The following FSIP2 variants were observed in gnomAD, a reference collection of about 807,000 sequenced individuals.
The protein encoded by FSIP2 is fibrous sheath-interacting protein 2.
FSIP2 carries 367 observed loss-of-function variants against 510.5 expected under a neutral mutation model. That is an observed-to-expected ratio of 0.72 (90% CI 0.66 to 0.78). FSIP2 has a LOEUF of 0.78. Ranked by LOEUF, FSIP2 falls within the 30% of genes least tolerant of loss-of-function variation. The pLI, the probability that FSIP2 is intolerant of heterozygous loss-of-function variation, is 0.00. For missense variants in FSIP2, 7,594 were observed against 7,901.7 expected (o/e 0.96, Z 1.48); for synonymous variants, 2,601 against 2,732.2 (o/e 0.95, Z 1.50).
rs1363685608 is a variant in FSIP2, at chr2:185,805,293, A to G, written c.15987A>G (p.Lys5329=). 6.3e-7 allele frequency: 1 copy of G among 1,594,900 alleles called. No individual in the cohort carries two copies. Among genetic ancestry groups the G allele is most frequent in the Non-Finnish European group, 8.5e-7 (1 of 1,173,732 alleles). The part of the protein sequence containing the change: ...LIREFKKSDI[K]VLPNAEKMFS... ...GGGAATTTAAGAAAAGTGATATTAA[A>G]GTTTTACCAAATGCTGAAAAAATGT... The change falls in exon 17 of 23, where the codon AAA becomes AAG. Residue 5329 remains lysine (K), a synonymous_variant. Transcript: ENST00000424728.
chr2:185,807,033 C>G lies in FSIP2; in HGVS notation c.17727C>G (p.Asp5909Glu). 1 of 1,595,076 alleles carries G rather than the reference C, an allele frequency of 6.3e-7. No homozygotes were observed. The highest frequency in any genetic ancestry group is 1.1e-5 in the South Asian group (1 of 87,204). ...KPSSDKIPSIDKTLVNKVVHS... is the reference protein window; with the variant it reads ...KPSSDKIPSIEKTLVNKVVHS... Reference sequence around the variant, plus strand: ...CTTCAGATAAGATACCATCAATTGACAAAACATTGGTCAATAAAGTTGTTC... The same window carrying G: ...CTTCAGATAAGATACCATCAATTGAGAAAACATTGGTCAATAAAGTTGTTC... Residue 5909 changes from aspartate to glutamate, a missense_variant, in exon 17 of 23, where the codon GAC (aspartate) becomes GAG (glutamate). Asp to Glu is a conservative substitution (Grantham distance 45). Transcript: ENST00000424728.
chr2:185,745,695 G>T, intron 5 of FSIP2, 127 bp downstream of exon 5: 1 of 828,718 alleles, frequency 1.2e-6, no homozygotes. Flanking sequence ...AGAGTGTAGA[G>T]GAAGGAAGTG....
At chr2:185,738,769 G>A, upstream of FSIP2, 1 of 1,536,014 alleles carries the variant, frequency 6.5e-7, no homozygotes. Flanking sequence ...AGCCTGGAAC[G>A]CGGGGGGCGG....
intron 22 of FSIP2, among the ~76,000 whole-genome samples, chr2:185,832,347 G>A (rs1694123074): frequency 6.6e-6 from 1 of 151,810 alleles, no homozygotes; most frequent in Non-Finnish European, 1.5e-5. Flanking sequence ...ATGGGAGATG[G>A]CATGCTGCCT....
At chr2:185,765,751 C>T (rs1574163639) in intron 13 of FSIP2, 1 of 151,950 alleles carries the variant, frequency 6.6e-6, no homozygotes, top group Non-Finnish European at 1.5e-5. Context: ...GCCATTTTCA[C>T]GATATTGATT....
At chr2:185,768,014 CA>C (rs1375322711) in intron 13 of FSIP2, among the ~76,000 whole-genome samples, 1 of 152,086 alleles carries the variant, frequency 6.6e-6, no homozygotes, top group African/African-American at 2.4e-5. Context: ...TTTTTCTTCA[CA>C]ATCTTGCCAA....
At position 185,789,273 on chromosome 2, in the gene FSIP2, C is replaced by T. The variant is rs144096860; in HGVS notation, c.2137C>T (p.Arg713Ter). 3.3e-6 allele frequency: 5 copies of T among 1,534,464 alleles called. No homozygotes were observed. Among genetic ancestry groups the T allele is most frequent in the African/African-American group, 1.4e-5 (1 of 73,044 alleles). ...TGAAGTGATTTTAGAAAGCATTTTG[C>T]GAGAAATAATGTCTGATTTAACCCA... ...ETEVILESIL[R>*]EIMSDLTQAI... The change falls in exon 16 of 23, where the codon CGA becomes TGA. Residue 713 changes from arginine (R) to a stop codon, truncating the protein, a stop_gained. Transcript: ENST00000424728. LOFTEE classifies it high-confidence loss of function.
intron 13 of FSIP2, among the ~76,000 whole-genome samples, chr2:185,767,077 C>A (rs933606212): frequency 7.5e-6 from 1 of 134,048 alleles, no homozygotes; most frequent in East Asian, 2.1e-4. Flanking sequence ...AACAAAAAAC[C>A]AAACACCGCA....
intron 17 of FSIP2, among the ~76,000 whole-genome samples, chr2:185,812,336 G>C (rs1693748786): frequency 6.6e-6 from 1 of 152,118 alleles, no homozygotes; most frequent in Admixed American, 6.5e-5. Context: ...TTTGAGGCCT[G>C]TAGCCCCTTC....
intron 9 of FSIP2, among the ~76,000 whole-genome samples, chr2:185,758,366 T>G (rs999427658): frequency 1.3e-5 from 2 of 151,186 alleles, no homozygotes; most frequent in African/African-American, 4.8e-5. Flanking sequence ...CATTTAACTT[T>G]TGGCTCCCCA....
At position 185,792,878 on chromosome 2, in the gene FSIP2, A is replaced by T. The variant is rs1693171593; in HGVS notation, c.5742A>T (p.Val1914=). 6.5e-7 allele frequency: 1 copy of T among 1,534,220 alleles called. No homozygotes were observed. Among genetic ancestry groups the T allele is most frequent in the African/African-American group, 1.4e-5 (1 of 72,900 alleles). ...RFSVADKETK[V]NLAEDIVQAI... is the part of the protein sequence containing the mutation. ...GCGTTGCTGACAAGGAGACAAAGGT[A>T]AATCTAGCTGAAGATATTGTACAGG... Residue 1914 remains valine, a synonymous_variant, in exon 16 of 23, where the codon GTA becomes GTT. Transcript: ENST00000424728.
At chr2:185,826,315 C>G (rs1694011608) in intron 20 of FSIP2, among the ~76,000 whole-genome samples, 1 of 151,784 alleles carries the variant, frequency 6.6e-6, no homozygotes, top group South Asian at 2.1e-4. Context: ...ATCCTAACAT[C>G]CTACTTCCTC....
chr2:185,748,448 A>G (rs1692080257), intron 7 of FSIP2, among the ~76,000 whole-genome samples: 1 of 151,484 alleles, frequency 6.6e-6, no homozygotes, highest in Non-Finnish European at 1.5e-5. Flanking sequence ...AGCCATAATT[A>G]TTATTAATAT....
In FSIP2 at chr2:185,746,728, G is replaced by A. The variant is rs1454029320; in HGVS notation, c.677G>A (p.Arg226His). The A allele has an allele frequency of 5.2e-6, 8 of 1,531,944 alleles. No individual in the cohort carries two copies. The East Asian group carries it at 7.3e-5, about 14-fold the overall frequency. 94.9% of individuals were successfully genotyped at this position (1,531,944 alleles called of 1,614,324 possible). ...EQLERTAEEQ[R>H]LFLMDREERR... is the part of the protein sequence containing the mutation. The stretch of plus-strand genomic sequence containing the variant: ...CTTGAACGCACAGCAGAAGAACAAC[G>A]CCTATTCCTAATGGATAGAGAAGAA... The change falls in exon 6 of 23, where the codon CGC becomes CAC. Residue 226 changes from arginine (R) to histidine (H), a missense_variant. Transcript: ENST00000424728.
At chr2:185,741,462 A>T (rs1364760192) in intron 2 of FSIP2, among the ~76,000 whole-genome samples, 2 of 152,194 alleles carry the variant, frequency 1.3e-5, no homozygotes, top group Admixed American at 6.5e-5. Context: ...ACAGGTCAGG[A>T]GCTCAGGTTT....
upstream of FSIP2, chr2:185,738,715 G>C (rs1267702166): frequency 7.2e-6 from 11 of 1,535,912 alleles, no homozygotes; most frequent in Middle Eastern, 1.7e-4. Context: ...GGCGCGAGCC[G>C]CCCCTCAGGA....
chr2:185,741,700 G>A lies in FSIP2; in HGVS notation c.226-1433G>A, dbSNP rs534554540. The stretch of plus-strand genomic sequence containing the variant: ...TCTCAGGAAAGCATTGGTAACCAGG[G>A]AATCTAGCTTTCTGATTAGGCTCCT... On this transcript the variant is annotated intron_variant, in intron 2 of 22. Coordinates refer to ENST00000424728, the MANE Select transcript of FSIP2 (RefSeq NM_173651.4). Among the ~76,000 whole-genome samples the A allele has an allele frequency of 3.2e-4, 49 of 152,232 alleles. No individual in the cohort carries two copies. The East Asian group carries it at 9.3e-3, about 29-fold the overall frequency.
At position 185,791,308 on chromosome 2, in the gene FSIP2, A is replaced by C. The variant is rs1693117756; in HGVS notation, c.4172A>C (p.Asp1391Ala). Residue 1391 changes from aspartate (D) to alanine (A), a missense_variant, in exon 16 of 23, where the codon GAT becomes GCT. Coordinates refer to ENST00000424728, the MANE Select transcript of FSIP2 (RefSeq NM_173651.4). ...CCAAAGTCTGCAACTGACAGTGTTG[A>C]TGTACAAAGCATTTTGCCAAATAGG... is the stretch of plus-strand genomic sequence containing the variant. ...RKPKSATDSVDVQSILPNRQD... is the reference protein window; with the variant it reads ...RKPKSATDSVAVQSILPNRQD... 5.2e-6 allele frequency: 8 copies of C among 1,534,276 alleles called. No homozygotes were observed. Among genetic ancestry groups the C allele is most frequent in the Admixed American group, 3.9e-5 (2 of 50,848 alleles).
At position 185,805,380 on chromosome 2, in the gene FSIP2, G is replaced by C. The variant is rs752514427; in HGVS notation, c.16074G>C (p.Gln5358His). ...VDKISNFVYEQFIEKCTSHDI... is the reference protein window; with the variant it reads ...VDKISNFVYEHFIEKCTSHDI... Reference sequence around the variant, plus strand: ...AAATATCCAATTTTGTATATGAACAGTTCATAGAAAAATGCACATCTCATG... The same window carrying C: ...AAATATCCAATTTTGTATATGAACACTTCATAGAAAAATGCACATCTCATG... The change falls in exon 17 of 23, where the codon CAG becomes CAC. Residue 5358 changes from glutamine (Q) to histidine (H), a missense_variant. Physicochemically the swap from Gln to His is conservative, Grantham distance 24. Transcript: ENST00000424728. The C allele has an allele frequency of 1.3e-6, 2 of 1,597,782 alleles. No individual in the cohort carries two copies. The highest frequency in any genetic ancestry group is 2.3e-5 in the South Asian group (2 of 88,014).
Sources: gnomAD v4.1 joint callset for allele counts (sites outside exome capture counted in the v4.1 genomes callset) on GRCh38, gnomAD v4.1.1 for gene constraint, MANE v1.5 for transcripts, NCBI Gene and HGNC (gene_info 2026-07-23, HGNC 2026-07-21) for gene names.